KCNIP4: variants seen among roughly 807,000 people sequenced by gnomAD.
KCNIP4 encodes potassium voltage-gated channel interacting protein 4.
In KCNIP4, 12 loss-of-function variants were observed where a neutral mutation model predicts 34.0. That is an observed-to-expected ratio of 0.35 (90% confidence interval 0.23 to 0.57). The LOEUF (loss-of-function observed/expected upper bound fraction) is 0.57. KCNIP4 is among the 20% of genes least tolerant of loss of function. The pLI is 0.83. For missense variants in KCNIP4, 238 were observed against 311.7 expected (o/e 0.76, Z 1.78); for synonymous variants, 124 against 102.2 (o/e 1.21, Z -1.29).
At chr4:20,799,388 C>T (rs190767906) in intron 3 of KCNIP4, among the ~76,000 whole-genome samples, 1 of 152,316 alleles carries the variant, frequency 6.6e-6, no homozygotes, top group Admixed American at 6.5e-5. Flanking sequence ...GCTCCCCAGG[C>T]ATCTGGCAGC....
chr4:21,082,621 G>A (rs905242823), intron 1 of KCNIP4, among the ~76,000 whole-genome samples: 10 of 151,420 alleles, frequency 6.6e-5, no homozygotes, highest in Admixed American at 2.0e-4. Flanking sequence ...GGAGGAAGAA[G>A]TAATAAAGTC....
intron 1 of KCNIP4, among the ~76,000 whole-genome samples, chr4:21,302,502 G>C (rs1264776077): frequency 6.6e-6 from 1 of 152,192 alleles, no homozygotes; most frequent in Non-Finnish European, 1.5e-5. Flanking sequence ...CAAATGAACA[G>C]AGAAGCCAAA....
chr4:20,740,897 CA>C (rs532853776), intron 5 of KCNIP4, among the ~76,000 whole-genome samples: 23 of 149,728 alleles, frequency 1.5e-4, no homozygotes, highest in African/African-American at 3.9e-4. Context: ...AAATGGAAAA[CA>C]AAAAAAAAGC....
intron 1 of KCNIP4, among the ~76,000 whole-genome samples, chr4:21,841,940 C>T (rs1035660754): frequency 2.6e-5 from 4 of 152,076 alleles, no homozygotes; most frequent in East Asian, 1.9e-4. Flanking sequence ...TTAAAGGTGG[C>T]GTCCTTCAGC....
At chr4:21,545,617 G>A (rs929730661) in intron 1 of KCNIP4, among the ~76,000 whole-genome samples, 2 of 152,128 alleles carry the variant, frequency 1.3e-5, no homozygotes, top group Non-Finnish European at 2.9e-5. Flanking sequence ...TCCCACTTAT[G>A]AGGGAGAACA....
chr4:21,382,563 T>C (rs1263772680), intron 1 of KCNIP4, among the ~76,000 whole-genome samples: 2 of 151,972 alleles, frequency 1.3e-5, no homozygotes, highest in Non-Finnish European at 2.9e-5. Flanking sequence ...TTCAAAAACA[T>C]ACATCAATGC....
intron 1 of KCNIP4, among the ~76,000 whole-genome samples, chr4:21,206,392 A>G (rs1365862741): frequency 6.6e-6 from 1 of 152,168 alleles, no homozygotes; most frequent in Non-Finnish European, 1.5e-5. Context: ...TATCTCTGAG[A>G]CACTTTTGTT....
Position 21,294,906 on chromosome 4 carries a change from C to G in KCNIP4, c.62-412197G>C, listed in dbSNP as rs78605597. ...AAGCTGATAAGTGAGGGAGAAGGAA[C>G]TACTCAAAGGATAACAACATTGTCT... On this transcript the variant is annotated intron_variant, in intron 1 of 8. Coordinates refer to ENST00000382152, the MANE Select transcript of KCNIP4 (RefSeq NM_025221.6). 7.4e-3 allele frequency among the ~76,000 whole-genome samples: 1,129 copies of G among 152,266 alleles called. 19 individuals carry two copies. The highest frequency in any genetic ancestry group is 0.056 in the East Asian group (291 of 5,178).
intron 1 of KCNIP4, among the ~76,000 whole-genome samples, chr4:21,236,486 T>TC (rs2109036588): frequency 6.6e-6 from 1 of 152,258 alleles, no homozygotes; most frequent in African/African-American, 2.4e-5. Context: ...CACTGATTTT[T>TC]CCCCCATTCA....
rs11454380 is a variant in KCNIP4, at chr4:21,338,606, C to CAA, written c.62-455899_62-455898dup. ...TAGGTGACAGAGTGAGACTCTGCTT[C>CAA]AAAAAAAAAACAAAAAACAAAAATA... On this transcript the variant is annotated intron_variant, in intron 1 of 8. Transcript: ENST00000382152. Among the ~76,000 whole-genome samples the CAA allele has an allele frequency of 1.8e-3, 255 of 139,300 alleles. 3 individuals are homozygous for CAA. The highest frequency in any genetic ancestry group is 5.7e-3 in the African/African-American group (217 of 37,910). The allele number at this position is 139,300 out of a possible 152,430, so 91.4% of individuals were successfully genotyped here.
intron 1 of KCNIP4, among the ~76,000 whole-genome samples, chr4:21,178,717 C>A (rs1297074872): frequency 6.6e-6 from 1 of 152,064 alleles, no homozygotes; most frequent in African/African-American, 2.4e-5. Flanking sequence ...AGCCATATTT[C>A]TAACATCCCA....
chr4:20,791,406 A>G (rs1712741223), intron 3 of KCNIP4, among the ~76,000 whole-genome samples: 1 of 152,200 alleles, frequency 6.6e-6, no homozygotes, highest in South Asian at 2.1e-4. Context: ...ATTTGTCTTT[A>G]TTATTTAAAT....
Position 21,812,258 on chromosome 4 carries a change from C to T in KCNIP4, c.61+136313G>A, listed in dbSNP as rs114950582. On this transcript the variant is annotated intron_variant, in intron 1 of 8. Transcript: ENST00000382152. ...CTAACAGTCTATTAATTATTAACATCACCCTTTGAGAATCTAAGAAAATAA... is the reference window on the plus strand; with the variant it reads ...CTAACAGTCTATTAATTATTAACATTACCCTTTGAGAATCTAAGAAAATAA... Among the ~76,000 whole-genome samples, 850 of 152,240 alleles carry T rather than the reference C, an allele frequency of 5.6e-3. 9 individuals carry two copies. Among genetic ancestry groups the T allele is most frequent in the African/African-American group, 0.019 (798 of 41,532 alleles).
rs185238624 is a variant in KCNIP4, at chr4:20,819,151, C to T, written c.288+31392G>A. ...CTGGGATTACAGGCGTGAGCCACAG[C>T]GCCTGGCCTTATGTTATCTCACTTA... On this transcript the variant is annotated intron_variant, in intron 3 of 8. Coordinates refer to ENST00000382152, the MANE Select transcript of KCNIP4 (RefSeq NM_025221.6). 6.6e-5 allele frequency among the ~76,000 whole-genome samples: 10 copies of T among 152,066 alleles called. No homozygotes were observed. The East Asian group carries it at 7.7e-4, about 12-fold the overall frequency.
intron 1 of KCNIP4, among the ~76,000 whole-genome samples, chr4:20,973,260 C>A (rs1735151854): frequency 6.6e-6 from 1 of 152,224 alleles, no homozygotes; most frequent in Non-Finnish European, 1.5e-5. Context: ...ACTCCAATAG[C>A]ACTTGCTGCT....
At position 21,040,053 on chromosome 4, in the gene KCNIP4, A is replaced by G. The variant is rs192978403; in HGVS notation, c.62-157344T>C. 2.6e-4 allele frequency among the ~76,000 whole-genome samples: 39 copies of G among 152,260 alleles called. No individual in the cohort carries two copies. In the East Asian group the frequency reaches 6.0e-3, roughly 23 times the overall value. Reference sequence around the variant, plus strand: ...GTGAAGGAGGAACTGTCAGACACTTATAAACCATCAGATCTCATGAGAACT... The same window carrying G: ...GTGAAGGAGGAACTGTCAGACACTTGTAAACCATCAGATCTCATGAGAACT... On this transcript the variant is annotated intron_variant, in intron 1 of 8. Coordinates refer to ENST00000382152, the MANE Select transcript of KCNIP4 (RefSeq NM_025221.6).
intron 1 of KCNIP4, among the ~76,000 whole-genome samples, chr4:21,112,601 T>C (rs1420919544): frequency 6.6e-6 from 1 of 152,240 alleles, no homozygotes; most frequent in Non-Finnish European, 1.5e-5. Context: ...TGATTCTTGA[T>C]ACTGACTGTC....
chr4:21,194,265 A>G (rs1309218651), intron 1 of KCNIP4, among the ~76,000 whole-genome samples: 1 of 152,208 alleles, frequency 6.6e-6, no homozygotes, highest in Admixed American at 6.5e-5. Context: ...TGTTCAATGA[A>G]AAATGTTTGC....
At chr4:21,151,900 TAGATC>T (rs1389457137) in intron 1 of KCNIP4, among the ~76,000 whole-genome samples, 4 of 152,184 alleles carry the variant, frequency 2.6e-5, no homozygotes, top group Non-Finnish European at 4.4e-5. Context: ...ACTTTTCTGT[TAGATC>T]AGTTCCAACA....
Sources: allele counts gnomAD v4.1 joint callset (sites outside exome capture counted in the v4.1 genomes callset), GRCh38; gene constraint gnomAD v4.1.1; transcripts MANE v1.5; gene names NCBI Gene and HGNC (gene_info 2026-07-23, HGNC 2026-07-21).